The following ZNF831 variants were observed in gnomAD, a reference collection of about 807,000 sequenced individuals.
The protein encoded by ZNF831 is chromosome 20 open reading frame 174.
A neutral mutation model predicts 95.8 loss-of-function variants in ZNF831; 59 were observed. The ratio of observed to expected loss-of-function variants is 0.62; its 90% confidence interval spans 0.50 to 0.77. The LOEUF is 0.77. Among genes scored for constraint, ZNF831 ranks in the 30% least tolerant of loss-of-function variants. ZNF831 has a pLI of 0.00. For synonymous variants in ZNF831, 961 were observed against 925.5 expected (o/e 1.04, Z -0.70); for missense variants, 2,205 against 2,164.0 (o/e 1.02, Z -0.38).
chr20:59,146,572 C>G (rs1273678373), intron 2 of ZNF831: 1 of 152,374 alleles, frequency 6.6e-6, no homozygotes. Context: ...ATCTCTTGAA[C>G]CAAGGGGCTT....
intron 4 of ZNF831, among the ~76,000 whole-genome samples, chr20:59,218,270 T>C (rs1985832855): frequency 6.6e-6 from 1 of 152,236 alleles, no homozygotes; most frequent in East Asian, 1.9e-4. Context: ...GCTCCCAATA[T>C]GAGAGCAGTG....
chr20:59,172,997 G>A (rs1373455090), intron 1 of ZNF831, among the ~76,000 whole-genome samples: 2 of 152,172 alleles, frequency 1.3e-5, no homozygotes, highest in Non-Finnish European at 2.9e-5. Context: ...GAGGGAGCAG[G>A]GGCTTGTTGT....
intron 1 of ZNF831, among the ~76,000 whole-genome samples, chr20:59,128,114 T>G (rs190562526): frequency 5.3e-5 from 8 of 152,304 alleles, no homozygotes; most frequent in Admixed American, 3.9e-4. Context: ...TTTATGTAAA[T>G]TTTCATTTAT....
At chr20:59,158,391 C>G (rs1980657862) in intron 2 of ZNF831, among the ~76,000 whole-genome samples, 1 of 152,170 alleles carries the variant, frequency 6.6e-6, no homozygotes. Context: ...CTGTGCTGCA[C>G]AGGGAGAGGG....
chr20:59,167,090 A>G (rs1429704018), intron 1 of ZNF831, among the ~76,000 whole-genome samples: 2 of 152,132 alleles, frequency 1.3e-5, no homozygotes, highest in South Asian at 2.1e-4. Flanking sequence ...CCTCGCCAGC[A>G]TTTGCTGTTT....
At chr20:59,246,028 A>G (rs1457765419) in intron 4 of ZNF831, among the ~76,000 whole-genome samples, 3 of 151,888 alleles carry the variant, frequency 2.0e-5, no homozygotes, top group Admixed American at 1.3e-4. Flanking sequence ...GGCTTTGTTC[A>G]CTTTGGTTTT....
At position 59,254,068 on chromosome 20, in the gene ZNF831, C is replaced by G. The variant is rs1189130035; in HGVS notation, c.4359C>G (p.Ser1453=). The G allele has an allele frequency of 3.1e-6, 5 of 1,613,940 alleles. No homozygotes were observed. The highest frequency in any genetic ancestry group is 2.7e-5 in the African/African-American group (2 of 74,852). The change falls in exon 6 of 6, where the codon TCC becomes TCG. Residue 1453 remains serine, a synonymous_variant. Coordinates refer to ENST00000371030, the MANE Select transcript of ZNF831 (RefSeq NM_178457.3). This position sits in a 1 kb window ranked among gnomAD's most constrained non-coding sequence, Gnocchi z 4.5. ...TGCTGGAGACTCAGCTGCTGGCCTCCCAGGATTCAGTCTCAACAGATCCCA... is the reference window on the plus strand; with the variant it reads ...TGCTGGAGACTCAGCTGCTGGCCTCGCAGGATTCAGTCTCAACAGATCCCA... ...LGLLETQLLA[S]QDSVSTDPKP... is the part of the protein sequence containing the mutation.
At chr20:59,130,221 G>T (rs746131025) in intron 1 of ZNF831, among the ~76,000 whole-genome samples, 13 of 152,204 alleles carry the variant, frequency 8.5e-5, no homozygotes, top group Non-Finnish European at 1.8e-4. Context: ...AGGAGAGAAG[G>T]TTCTCTTGGG....
In ZNF831 at chr20:59,128,849, C is replaced by A. The variant is rs971872560; in HGVS notation, c.-1425+5344C>A. 1.1e-4 allele frequency among the ~76,000 whole-genome samples: 16 copies of A among 152,340 alleles called. 1 individual carries two copies. Among genetic ancestry groups the A allele is most frequent in the South Asian group, 8.3e-4 (4 of 4,830 alleles). On this transcript the variant is annotated intron_variant, in intron 1 of 7. Coordinates refer to the ZNF831 transcript ENST00000637017. ...CAATCTTGGCTCACTGCAACCTCCA[C>A]CTCCCGGGTTCAAGCTATTCTCCTG... is the stretch of plus-strand genomic sequence containing the variant.
chr20:59,232,994 GCACACACACACA>G lies in ZNF831; in HGVS notation c.4028-19945_4028-19934del, dbSNP rs59267396. Among the ~76,000 whole-genome samples the G allele has an allele frequency of 1.3e-3, 161 of 123,080 alleles. 3 individuals carry two copies. Among genetic ancestry groups the G allele is most frequent in the African/African-American group, 3.4e-3 (110 of 32,240 alleles). The allele number at this position is 123,080 out of a possible 152,430, so 80.7% of individuals were successfully genotyped here. On this transcript the variant is annotated intron_variant, in intron 4 of 5. Coordinates refer to ENST00000371030, the MANE Select transcript of ZNF831 (RefSeq NM_178457.3). ...TCATTTTATAGGTGAGGACCCTGAGGCACACACACACACACACACACACACACACACACACAC... is the reference window on the plus strand; with the variant it reads ...TCATTTTATAGGTGAGGACCCTGAGGCACACACACACACACACACACACAC...
chr20:59,162,094 C>G (rs1370030222), upstream of ZNF831, among the ~76,000 whole-genome samples: 1 of 152,128 alleles, frequency 6.6e-6, no homozygotes, highest in East Asian at 1.9e-4. Flanking sequence ...ATGACCTTTG[C>G]TCACTTTTTA....
At position 59,191,969 on chromosome 20, in the gene ZNF831, G is replaced by T. The variant is rs777173133; in HGVS notation, c.950G>T (p.Arg317Leu). The T allele has an allele frequency of 1.9e-6, 3 of 1,606,474 alleles. No individual in the cohort carries two copies. Among genetic ancestry groups the T allele is most frequent in the South Asian group, 2.2e-5 (2 of 90,760 alleles). The change falls in exon 2 of 6, where the codon CGG becomes CTG. Residue 317 changes from arginine to leucine, a missense_variant. Physicochemically the swap from Arg to Leu is moderately radical, Grantham distance 102. Transcript: ENST00000371030. ...GCCGGGAAGCCGTGCGCCCTGCAGC[G>T]GCAGCAGGCGACGGCAGCGGAGAAG... ...PTAGKPCALQ[R>L]QQATAAEKPW...
At chr20:59,174,091 G>A (rs1378859086) in intron 1 of ZNF831, among the ~76,000 whole-genome samples, 3 of 152,180 alleles carry the variant, frequency 2.0e-5, no homozygotes, top group South Asian at 2.1e-4. Flanking sequence ...AAGCAGAGAT[G>A]TGGGCATGCA....
chr20:59,240,395 T>C (rs1437979271), intron 4 of ZNF831, among the ~76,000 whole-genome samples: 1 of 152,224 alleles, frequency 6.6e-6, no homozygotes, highest in African/African-American at 2.4e-5. Context: ...ATGTAAAGGC[T>C]TTTTCTACAC....
At chr20:59,184,022 C>T (rs899444829) in intron 1 of ZNF831, among the ~76,000 whole-genome samples, 2 of 151,416 alleles carry the variant, frequency 1.3e-5, no homozygotes, top group African/African-American at 4.8e-5. Flanking sequence ...ACTCCACCCA[C>T]CTCTTCATCC....
chr20:59,173,604 G>A (rs1230009626), intron 1 of ZNF831, among the ~76,000 whole-genome samples: 5 of 152,226 alleles, frequency 3.3e-5, no homozygotes, highest in Non-Finnish European at 5.9e-5. Flanking sequence ...CACAGGTGAT[G>A]GCTTTATTAA....
At chr20:59,161,216 C>T (rs894114035), upstream of ZNF831, among the ~76,000 whole-genome samples, 1 of 152,088 alleles carries the variant, frequency 6.6e-6, no homozygotes, top group Non-Finnish European at 1.5e-5. Flanking sequence ...GATCTAATTC[C>T]AGAACATTTT....
intron 1 of ZNF831, among the ~76,000 whole-genome samples, chr20:59,171,483 C>T (rs1224106607): frequency 1.3e-5 from 2 of 152,190 alleles, no homozygotes; most frequent in African/African-American, 4.8e-5. Flanking sequence ...TTCCACCTAA[C>T]AAGATACATC....
chr20:59,190,859 G>C, intron 1 of ZNF831, 125 bp from the exon 2 acceptor site: 2 of 795,664 alleles, frequency 2.5e-6, no homozygotes, highest in Non-Finnish European at 3.5e-6. Context: ...TGGGATGAGA[G>C]TACATTCCTT....
Sources: gnomAD v4.1 joint callset for allele counts (sites outside exome capture counted in the v4.1 genomes callset) on GRCh38, gnomAD v4.1.1 for gene constraint, Gnocchi (gnomAD v3.1) non-coding constraint, MANE v1.5 for transcripts, NCBI Gene and HGNC (gene_info 2026-07-23, HGNC 2026-07-21) for gene names.